MBD2: variants seen among roughly 807,000 people sequenced by gnomAD.
MBD2 encodes the protein methyl-CpG binding domain protein 2.
In MBD2, 9 loss-of-function variants were observed where a neutral mutation model predicts 39.3. The observed-to-expected ratio is 0.23, with a 90% CI of 0.14 to 0.40. MBD2 has a LOEUF of 0.40. Among genes scored for constraint, MBD2 ranks in the 10% least tolerant of loss-of-function variants. The pLI is 1.00. For missense variants in MBD2, 458 were observed against 532.6 expected (o/e 0.86, Z 1.38); for synonymous variants, 233 against 211.1 (o/e 1.10, Z -0.90).
intron 1 of MBD2, among the ~76,000 whole-genome samples, chr18:54,214,889 G>A (rs1480241720): frequency 5.3e-5 from 8 of 151,868 alleles, no homozygotes; most frequent in African/African-American, 1.7e-4. Flanking sequence ...ACAGGCGCCC[G>A]CCAACAGGCC....
At chr18:54,200,818 G>T (rs890940595) in intron 2 of MBD2, among the ~76,000 whole-genome samples, 1 of 152,026 alleles carries the variant, frequency 6.6e-6, no homozygotes, top group Non-Finnish European at 1.5e-5. Context: ...GGTGGCTCAC[G>T]TCTGTAATCC....
chr18:54,176,251 AT>A (rs1355443075), intron 3 of MBD2, among the ~76,000 whole-genome samples: 1 of 152,262 alleles, frequency 6.6e-6, no homozygotes, highest in East Asian at 1.9e-4. Context: ...CACTAAATAG[AT>A]TTGCTTGGGC....
intron 1 of MBD2, among the ~76,000 whole-genome samples, chr18:54,214,586 A>G (rs992102138): frequency 6.6e-6 from 1 of 152,162 alleles, no homozygotes; most frequent in African/African-American, 2.4e-5. Context: ...AAAATACAGT[A>G]AACCTTCACA....
intron 4 of MBD2, 52 bp downstream of exon 4, chr18:54,166,024 G>A: frequency 2.4e-6 from 3 of 1,225,526 alleles, no homozygotes; most frequent in South Asian, 1.3e-5. Flanking sequence ...CAGAGTGCCT[G>A]GCATGCAGTA....
chr18:54,182,431 C>G (rs938709629), intron 3 of MBD2, among the ~76,000 whole-genome samples: 5 of 152,050 alleles, frequency 3.3e-5, no homozygotes, highest in Admixed American at 2.0e-4. Context: ...GAAATCTGAT[C>G]AAGGTATGTA....
At chr18:54,194,601 A>G (rs1940546793) in intron 2 of MBD2, among the ~76,000 whole-genome samples, 1 of 151,922 alleles carries the variant, frequency 6.6e-6, no homozygotes. Flanking sequence ...TTTTTTAAAT[A>G]ATTTTATGTT....
At chr18:54,164,452 C>T in intron 5 of MBD2, 71 bp downstream of exon 5, 21 of 1,392,860 alleles carry the variant, frequency 1.5e-5, no homozygotes, top group Non-Finnish European at 2.1e-5. Flanking sequence ...TGCCACTGAA[C>T]CTAATGAACA....
In MBD2 at chr18:54,157,458, G is replaced by C. The variant is rs138667899; in HGVS notation, c.*13-2147C>G. Among the ~76,000 whole-genome samples the C allele has an allele frequency of 2.9e-3, 447 of 151,886 alleles. 2 individuals carry two copies. Among genetic ancestry groups the C allele is most frequent in the African/African-American group, 0.01 (421 of 41,410 alleles). ...GTATTTTTAGTAGAGACAGGGTTTC[G>C]TCATGTTGGCCAGGCTGGTCTCAAA... On this transcript the variant is annotated intron_variant, in intron 6 of 6. Coordinates refer to ENST00000256429, the MANE Select transcript of MBD2 (RefSeq NM_003927.5).
At chr18:54,187,195 T>C (rs1200096834) in intron 3 of MBD2, among the ~76,000 whole-genome samples, 1 of 152,160 alleles carries the variant, frequency 6.6e-6, no homozygotes, top group Non-Finnish European at 1.5e-5. Flanking sequence ...ACAGACTACA[T>C]TGAGAATGAT....
At chr18:54,197,492 T>C (rs534318719) in intron 2 of MBD2, among the ~76,000 whole-genome samples, 1 of 152,308 alleles carries the variant, frequency 6.6e-6, no homozygotes, top group Non-Finnish European at 1.5e-5. Flanking sequence ...CTCCTTCTGG[T>C]TTTGTATAGC....
chr18:54,162,918 G>A (rs995093992), intron 5 of MBD2, among the ~76,000 whole-genome samples: 7 of 151,996 alleles, frequency 4.6e-5, no homozygotes, highest in African/African-American at 1.7e-4. Flanking sequence ...AACCTAGCTA[G>A]ACTTACCCAT....
intron 3 of MBD2, among the ~76,000 whole-genome samples, chr18:54,173,655 C>T (rs1172336664): frequency 6.6e-6 from 1 of 152,188 alleles, no homozygotes; most frequent in East Asian, 1.9e-4. Context: ...CTTAACTCCT[C>T]ATTAAAATAA....
intron 1 of MBD2, among the ~76,000 whole-genome samples, chr18:54,217,535 T>C (rs1350398120): frequency 6.6e-6 from 1 of 152,232 alleles, no homozygotes; most frequent in African/African-American, 2.4e-5. Flanking sequence ...GAAGAGTTTA[T>C]GGTTTATTTC....
chr18:54,224,452 GC>G lies in MBD2; in HGVS notation c.107del (p.Gly36AlafsTer11), dbSNP rs1279623099. Reference sequence around the variant, plus strand: ...GGGACGGGGCGAGCGCGCTGCCCTGGCCCCCCTGCTCTATGGCGGAGTCGCC... The same window carrying G: ...GGGACGGGGCGAGCGCGCTGCCCTGGCCCCCTGCTCTATGGCGGAGTCGCC... The part of the protein sequence containing the change: ...AGGDSAIEQG[G>X]QGSALAPSPV... On this transcript the variant is annotated frameshift_variant, in exon 1 of 7. Coordinates refer to ENST00000256429, the MANE Select transcript of MBD2 (RefSeq NM_003927.5). LOFTEE classifies it high-confidence loss of function. The G allele has an allele frequency of 3.2e-6, 4 of 1,238,076 alleles. No individual in the cohort carries two copies. The highest frequency in any genetic ancestry group is 4.3e-5 in the Admixed American group (1 of 23,446). 76.7% of individuals were successfully genotyped at this position (1,238,076 alleles called of 1,614,324 possible).
chr18:54,222,314 G>A (rs1289732523), intron 1 of MBD2: 2 of 509,146 alleles, frequency 3.9e-6, no homozygotes, highest in South Asian at 1.4e-5. Flanking sequence ...GCTGCCACTG[G>A]CACAGTCCCA....
intron 1 of MBD2, among the ~76,000 whole-genome samples, chr18:54,205,591 C>CAAAAAAA (rs10719481): frequency 1.1e-5 from 1 of 90,092 alleles, no homozygotes; most frequent in African/African-American, 4.3e-5. Flanking sequence ...AACTCTATCT[C>CAAAAAAA]AAAAAAAAAA....
intron 1 of MBD2, among the ~76,000 whole-genome samples, chr18:54,211,092 C>T (rs1023040261): frequency 5.9e-5 from 9 of 151,470 alleles, no homozygotes; most frequent in African/African-American, 9.7e-5. Context: ...GGGATGGTCT[C>T]GATCTCCTGA....
At chr18:54,162,466 C>T (rs921612476) in intron 5 of MBD2, among the ~76,000 whole-genome samples, 1 of 152,086 alleles carries the variant, frequency 6.6e-6, no homozygotes, top group African/African-American at 2.4e-5. Context: ...TCCTAATTTC[C>T]GTCATGACAA....
intron 1 of MBD2, among the ~76,000 whole-genome samples, chr18:54,212,328 G>A (rs1269684027): frequency 6.6e-6 from 1 of 152,042 alleles, no homozygotes; most frequent in Non-Finnish European, 1.5e-5. Context: ...TCTTTCCTCT[G>A]AACCCATATA....
Sources: gnomAD v4.1 joint callset for allele counts (sites outside exome capture counted in the v4.1 genomes callset) on GRCh38, gnomAD v4.1.1 for gene constraint, MANE v1.5 for transcripts, NCBI Gene and HGNC (gene_info 2026-07-23, HGNC 2026-07-21) for gene names.